Variants in MAGI2 observed in about 807,000 individuals in gnomAD.
MAGI2 encodes the protein membrane-associated guanylate kinase, WW and PDZ domain-containing protein 2.
A neutral mutation model predicts 133.3 loss-of-function variants in MAGI2; 35 were observed. The ratio of observed to expected loss-of-function variants is 0.26; its 90% confidence interval spans 0.20 to 0.35. The LOEUF is 0.35. MAGI2 is among the 10% of genes least tolerant of loss of function. The probability of loss-of-function intolerance (pLI) is 1.00; values close to 1 mark genes in which losing one functional copy is unlikely to be tolerated. For missense variants in MAGI2, 1,636 were observed against 1,863.4 expected, an observed-to-expected ratio of 0.88 and a Z score of 2.25; for synonymous variants, 729 against 710.6, an observed-to-expected ratio of 1.03 and a Z score of -0.41.
chr7:79,126,797 ATAAT>A (rs1820445968), intron 1 of MAGI2, among the ~76,000 whole-genome samples: 1 of 151,656 alleles, frequency 6.6e-6, no homozygotes, highest in African/African-American at 2.4e-5. Context: ...TACATATTAA[ATAAT>A]TTATTATTAT....
intron 2 of MAGI2, among the ~76,000 whole-genome samples, chr7:78,660,156 A>G (rs1812784836): frequency 6.6e-6 from 1 of 152,050 alleles, no homozygotes; most frequent in Admixed American, 6.5e-5. Context: ...TAGCATTAGG[A>G]GATATACCTA....
intron 3 of MAGI2, among the ~76,000 whole-genome samples, chr7:78,547,263 ATTAT>A (rs1798924408): frequency 1.3e-5 from 2 of 152,234 alleles, no homozygotes; most frequent in Admixed American, 6.5e-5. Context: ...AATAAGTAAG[ATTAT>A]TTACCCAATT....
chr7:78,684,844 C>T, intron 2 of MAGI2, among the ~76,000 whole-genome samples: 1 of 152,234 alleles, frequency 6.6e-6, no homozygotes, highest in East Asian at 1.9e-4. Context: ...AGAAATTCTA[C>T]CTTGGCCAAA....
chr7:78,877,006 T>A (rs916590917), intron 2 of MAGI2, among the ~76,000 whole-genome samples: 2 of 152,184 alleles, frequency 1.3e-5, no homozygotes, highest in Non-Finnish European at 2.9e-5. Flanking sequence ...TGGACCCCCC[T>A]CAGTTGGTTC....
chr7:78,064,907 A>AATATAT (rs893596039), intron 21 of MAGI2, among the ~76,000 whole-genome samples: 145 of 152,314 alleles, frequency 9.5e-4, no homozygotes, highest in African/African-American at 3.4e-3. Flanking sequence ...CCAAGGCTAA[A>AATATAT]ATATAGCCAA....
chr7:79,424,442 A>AC (rs2129181879), intron 1 of MAGI2, among the ~76,000 whole-genome samples: 1 of 152,210 alleles, frequency 6.6e-6, no homozygotes, highest in Non-Finnish European at 1.5e-5. Flanking sequence ...AAGATGGTCT[A>AC]AAGATACATA....
intron 6 of MAGI2, among the ~76,000 whole-genome samples, chr7:78,369,635 G>A (rs749716902): frequency 1.3e-5 from 2 of 152,022 alleles, no homozygotes; most frequent in African/African-American, 2.4e-5. Flanking sequence ...TGTTTCTGAT[G>A]ACTGAAACAA....
intron 6 of MAGI2, among the ~76,000 whole-genome samples, chr7:78,417,724 T>C (rs1233947274): frequency 6.6e-6 from 1 of 152,186 alleles, no homozygotes; most frequent in Admixed American, 6.6e-5. Flanking sequence ...ACTGTGCTTA[T>C]TTTAATGATT....
At chr7:78,549,704 T>G (rs1195217546) in intron 3 of MAGI2, among the ~76,000 whole-genome samples, 2 of 152,174 alleles carry the variant, frequency 1.3e-5, no homozygotes, top group Admixed American at 6.6e-5. Context: ...TACCTGGATT[T>G]TTATCAAATG....
intron 7 of MAGI2, among the ~76,000 whole-genome samples, chr7:78,362,363 T>C (rs1175284185): frequency 6.6e-6 from 1 of 152,106 alleles, no homozygotes; most frequent in Admixed American, 6.5e-5. Context: ...AAAATGGTAG[T>C]TGAAAAGAAG....
At chr7:78,500,130 C>A (rs1009712071) in intron 5 of MAGI2, among the ~76,000 whole-genome samples, 1 of 152,164 alleles carries the variant, frequency 6.6e-6, no homozygotes, top group Non-Finnish European at 1.5e-5. Flanking sequence ...TCAAGCAGAG[C>A]ACTGAGTAAT....
At chr7:79,021,038 G>A (rs1809277071) in intron 1 of MAGI2, among the ~76,000 whole-genome samples, 1 of 152,242 alleles carries the variant, frequency 6.6e-6, no homozygotes, top group Non-Finnish European at 1.5e-5. Context: ...TTGCTTCACA[G>A]TGTGCATGCC....
intron 10 of MAGI2, among the ~76,000 whole-genome samples, chr7:78,239,010 C>T (rs1339979013): frequency 1.3e-5 from 2 of 151,944 alleles, no homozygotes; most frequent in African/African-American, 2.4e-5. Context: ...CACAGCCCTG[C>T]CTCAAAATCT....
intron 2 of MAGI2, among the ~76,000 whole-genome samples, chr7:78,985,610 G>A (rs1223290665): frequency 6.6e-6 from 1 of 151,942 alleles, no homozygotes; most frequent in Non-Finnish European, 1.5e-5. Flanking sequence ...CACTTGGTAA[G>A]CATTATTTCT....
At chr7:79,089,948 G>A (rs1259101305) in intron 1 of MAGI2, among the ~76,000 whole-genome samples, 2 of 151,630 alleles carry the variant, frequency 1.3e-5, no homozygotes, top group Non-Finnish European at 2.9e-5. Flanking sequence ...CCTATGTAAG[G>A]TATACCTATA....
intron 1 of MAGI2, among the ~76,000 whole-genome samples, chr7:79,452,431 A>G (rs1425065170): frequency 6.6e-6 from 1 of 152,084 alleles, no homozygotes; most frequent in Admixed American, 6.5e-5. Context: ...AAAGTTACAG[A>G]AGACCCGTCA....
intron 1 of MAGI2, among the ~76,000 whole-genome samples, chr7:79,385,018 A>C (rs183363741): frequency 6.6e-5 from 10 of 151,866 alleles, no homozygotes; most frequent in Non-Finnish European, 1.0e-4. Flanking sequence ...ATTCCATGGA[A>C]GGTTAAAGAA....
intron 2 of MAGI2, among the ~76,000 whole-genome samples, chr7:78,682,186 A>C (rs1401733794): frequency 6.6e-6 from 1 of 152,152 alleles, no homozygotes; most frequent in East Asian, 1.9e-4. Context: ...GATATACACA[A>C]AACTGTTCAA....
At chr7:79,023,377 C>T (rs1809539526) in intron 1 of MAGI2, among the ~76,000 whole-genome samples, 1 of 152,124 alleles carries the variant, frequency 6.6e-6, no homozygotes, top group African/African-American at 2.4e-5. Flanking sequence ...CAGCCAACAT[C>T]ATAATGAATG....
Sources: allele counts gnomAD v4.1 joint callset (sites outside exome capture counted in the v4.1 genomes callset), GRCh38; gene constraint gnomAD v4.1.1; transcripts MANE v1.5; gene names NCBI Gene and HGNC (gene_info 2026-07-23, HGNC 2026-07-21).